EBPL: variants seen among roughly 807,000 people sequenced by gnomAD.
EBPL encodes EBP like, also known as emopamil-binding protein-like.
EBPL carries 20 observed loss-of-function variants against 19.0 expected under a neutral mutation model. The ratio of observed to expected loss-of-function variants is 1.05; its 90% CI spans 0.74 to 1.53. The LOEUF (loss-of-function observed/expected upper bound fraction) is 1.53, where lower values mean the gene tolerates loss of function less well. EBPL is among the 40% of genes most tolerant of loss of function. EBPL has a pLI of 0.00. For missense variants in EBPL, 219 were observed against 261.1 expected (o/e 0.84, Z 1.11); for synonymous variants, 107 against 117.0 (o/e 0.91, Z 0.55).
At chr13:49,672,310 A>G (rs1215993587) in intron 1 of EBPL, among the ~76,000 whole-genome samples, 1 of 152,216 alleles carries the variant, frequency 6.6e-6, no homozygotes, top group Non-Finnish European at 1.5e-5. Flanking sequence ...AAGATAGTAT[A>G]ATACATATCA....
Position 49,683,216 on chromosome 13 carries a change from C to A in EBPL, c.171+8038G>T, listed in dbSNP as rs530901216. ...TCTCGAACTCCCAACCTCAGGTGAT[C>A]CGCCCGCCTCAGCCTCCCAAAGTGC... On this transcript the variant is annotated intron_variant, in intron 1 of 3. Transcript: ENST00000242827. Among the ~76,000 whole-genome samples, 41 of 152,006 alleles carry A rather than the reference C, an allele frequency of 2.7e-4. 1 individual carries two copies. The highest frequency in any genetic ancestry group is 9.4e-4 in the African/African-American group (39 of 41,540).
chr13:49,691,230 C>G, intron 1 of EBPL, 24 bp downstream of exon 1: 1 of 1,335,230 alleles, frequency 7.5e-7, no homozygotes, highest in Non-Finnish European at 9.6e-7. Flanking sequence ...ATGGGGAGTG[C>G]AGGGTCTAGG....
intron 3 of EBPL, 43 bp downstream of exon 3, chr13:49,663,014 A>G: frequency 1.9e-6 from 3 of 1,610,086 alleles, no homozygotes; most frequent in Non-Finnish European, 2.5e-6. Flanking sequence ...TGGGACATGT[A>G]ATGTCTCCCC....
At chr13:49,661,706 A>G in intron 3 of EBPL, 1 of 975,258 alleles carries the variant, frequency 1.0e-6, no homozygotes, top group South Asian at 4.7e-5. Context: ...ACACGTAGTA[A>G]GTTTGCAACC....
At chr13:49,668,679 A>G (rs1436483265) in intron 2 of EBPL, 1 of 371,900 alleles carries the variant, frequency 2.7e-6, no homozygotes, top group African/African-American at 2.2e-5. Context: ...GGTAAAAAAA[A>G]ATACCTGTTG....
At position 49,691,457 on chromosome 13, in the gene EBPL, C is replaced by A; in HGVS notation, c.-33G>T. On this transcript the variant is annotated 5_prime_UTR_variant, in exon 1 of 4. It removes an upstream start codon present in the reference 5' UTR. Coordinates refer to ENST00000242827, the MANE Select transcript of EBPL (RefSeq NM_032565.5). ...GCTTCCGACGCCAACGGCCCAGGAC[C>A]ATGCGGCAGAGGAAAGCAGGGAGAG... The A allele has an allele frequency of 1.5e-6, 2 of 1,304,994 alleles. No homozygotes were observed. Among genetic ancestry groups the A allele is most frequent in the South Asian group, 2.9e-5 (1 of 33,944 alleles). 80.8% of individuals were successfully genotyped at this position (1,304,994 alleles called of 1,614,324 possible). A position where few individuals can be genotyped will look rare whatever the true frequency, so the allele number is the denominator to read the frequency against.
At chr13:49,689,292 C>T (rs1954034495) in intron 1 of EBPL, among the ~76,000 whole-genome samples, 1 of 152,192 alleles carries the variant, frequency 6.6e-6, no homozygotes, top group Non-Finnish European at 1.5e-5. Context: ...AAGTGGTGAA[C>T]ACACGCATAT....
At chr13:49,682,291 A>C (rs904074061) in intron 1 of EBPL, among the ~76,000 whole-genome samples, 1 of 152,076 alleles carries the variant, frequency 6.6e-6, no homozygotes, top group Non-Finnish European at 1.5e-5. Context: ...CTTGAATCAT[A>C]TTTCTCCCTT....
chr13:49,674,869 G>A (rs928306270), intron 1 of EBPL, among the ~76,000 whole-genome samples: 5 of 152,070 alleles, frequency 3.3e-5, no homozygotes, highest in Non-Finnish European at 7.4e-5. Context: ...AGTGCTCAGG[G>A]GTACTGTGTA....
intron 1 of EBPL, among the ~76,000 whole-genome samples, chr13:49,679,310 G>GT (rs1953917023): frequency 6.6e-6 from 1 of 152,136 alleles, no homozygotes; most frequent in Admixed American, 6.5e-5. Context: ...TAACCACAAC[G>GT]TATGATAGAG....
chr13:49,670,826 T>C (rs985617644), intron 1 of EBPL, among the ~76,000 whole-genome samples: 4 of 152,192 alleles, frequency 2.6e-5, no homozygotes, highest in African/African-American at 9.6e-5. Flanking sequence ...GTCTCTGGGC[T>C]TCTAAACCAC....
In EBPL at chr13:49,686,401, G is replaced by A. The variant is rs560658433; in HGVS notation, c.171+4853C>T. ...AGCTTCTCCTCTACCTGGCCTATAA[G>A]CCTTTGGCTTCTGGAGCCTCCCTCC... On this transcript the variant is annotated intron_variant, in intron 1 of 3. Coordinates refer to ENST00000242827, the MANE Select transcript of EBPL (RefSeq NM_032565.5). 41 of 1,231,614 alleles carry A rather than the reference G, an allele frequency of 3.3e-5. No individual in the cohort carries two copies. The South Asian group carries it at 4.7e-4, about 14-fold the overall frequency. The allele number at this position is 1,231,614 out of a possible 1,614,324, so 76.3% of individuals were successfully genotyped here. A position where few individuals can be genotyped will look rare whatever the true frequency, so the allele number is the denominator to read the frequency against.
chr13:49,680,753 C>T (rs1007122591), intron 1 of EBPL, among the ~76,000 whole-genome samples: 50 of 152,148 alleles, frequency 3.3e-4, no homozygotes, highest in African/African-American at 1.2e-3. Flanking sequence ...ACCAGGGAGG[C>T]GGAGGTTGCA....
At chr13:49,682,634 A>G (rs1376005323) in intron 1 of EBPL, among the ~76,000 whole-genome samples, 1 of 152,274 alleles carries the variant, frequency 6.6e-6, no homozygotes, top group African/African-American at 2.4e-5. Context: ...ATTTGTGTGC[A>G]TGGCCAAGCT....
chr13:49,675,010 A>G (rs1432783124), intron 1 of EBPL, among the ~76,000 whole-genome samples: 1 of 152,190 alleles, frequency 6.6e-6, no homozygotes, highest in Non-Finnish European at 1.5e-5. Flanking sequence ...CCAGCACTCT[A>G]TTTTGTGCAT....
chr13:49,671,344 G>T (rs1422630180), intron 1 of EBPL, among the ~76,000 whole-genome samples: 1 of 151,928 alleles, frequency 6.6e-6, no homozygotes, highest in Non-Finnish European at 1.5e-5. Context: ...TCACCATGTG[G>T]GCCAGGCTGG....
chr13:49,691,201 C>T, intron 1 of EBPL, 53 bp downstream of exon 1: 1 of 1,275,148 alleles, frequency 7.8e-7, no homozygotes, highest in Non-Finnish European at 1.0e-6. Flanking sequence ...CCTTGCCGCC[C>T]CCGCTCCCAC....
At position 49,675,381 on chromosome 13, in the gene EBPL, A is replaced by C. The variant is rs1233834951; in HGVS notation, c.172-5535T>G. ...AATTTTTCAGCTCCATCATAATCTT[A>C]TGGGACAACCATGGTATATTCAGTC... On this transcript the variant is annotated intron_variant, in intron 1 of 3. Transcript: ENST00000242827. 3.3e-5 allele frequency among the ~76,000 whole-genome samples: 5 copies of C among 152,374 alleles called. No homozygotes were observed. The South Asian group carries it at 8.3e-4, about 25-fold the overall frequency.
intron 1 of EBPL, among the ~76,000 whole-genome samples, chr13:49,688,626 G>A (rs1954025769): frequency 6.6e-6 from 1 of 151,718 alleles, no homozygotes; most frequent in African/African-American, 2.4e-5. Context: ...GGCTGAGGCA[G>A]GAGAATGGCG....
Sources: allele counts gnomAD v4.1 joint callset (sites outside exome capture counted in the v4.1 genomes callset), GRCh38; gene constraint gnomAD v4.1.1; transcripts MANE v1.5; gene names NCBI Gene and HGNC (gene_info 2026-07-23, HGNC 2026-07-21).